Variants in LOC400499 observed in about 807,000 individuals in gnomAD.
At chr16:11,489,437 C>T in the LOC400499 span, among the ~76,000 whole-genome samples, 22 of 152,314 alleles carry the variant, frequency 1.4e-4, no homozygotes, top group Non-Finnish European at 2.1e-4. Context: ...CAAAAGGTGA[C>T]ATGTGACCCA....
chr16:11,391,659 C>CAGTT, the LOC400499 span: 1 of 1,232,150 alleles, frequency 8.1e-7, no homozygotes, highest in Non-Finnish European at 1.0e-6. Flanking sequence ...CCCCCTCCCA[C>CAGTT]ACTTACATTC....
the LOC400499 span, among the ~76,000 whole-genome samples, chr16:11,394,869 T>C: frequency 1.3e-5 from 2 of 152,234 alleles, no homozygotes; most frequent in Non-Finnish European, 2.9e-5. Flanking sequence ...AACTTGCTTT[T>C]GGACTTCTGG....
the LOC400499 span, among the ~76,000 whole-genome samples, chr16:11,428,929 A>T: frequency 6.6e-6 from 1 of 152,012 alleles, no homozygotes. Context: ...CTTGCATGGG[A>T]AATGGGAGGG....
chr16:11,457,065 T>C, the LOC400499 span: 3 of 1,496,384 alleles, frequency 2.0e-6, no homozygotes, highest in Non-Finnish European at 2.7e-6. Context: ...CCCCCCAAGA[T>C]GCCAATGGGA....
At chr16:11,460,441 C>A in the LOC400499 span, 1 of 1,495,518 alleles carries the variant, frequency 6.7e-7, no homozygotes, top group Non-Finnish European at 8.9e-7. Context: ...GACTCTAGTG[C>A]TCTCTCCGGA....
the LOC400499 span, chr16:11,391,658 A>G: frequency 0.95 from 1,175,217 of 1,231,998 alleles, 564,847 homozygotes; most frequent in Non-Finnish European, 0.98. Context: ...TCCCCCTCCC[A>G]CACTTACATT....
At chr16:11,391,761 G>C in the LOC400499 span, 4 of 1,232,200 alleles carry the variant, frequency 3.2e-6, no homozygotes, top group Non-Finnish European at 4.0e-6. Context: ...GGCCCACAAA[G>C]TGGCTACTGC....
the LOC400499 span, among the ~76,000 whole-genome samples, chr16:11,462,665 C>T: frequency 2.0e-5 from 3 of 152,226 alleles, no homozygotes; most frequent in African/African-American, 7.2e-5. Flanking sequence ...ACAAGTGATC[C>T]ACCCGCCCTG....
At chr16:11,397,314 G>A in the LOC400499 span, among the ~76,000 whole-genome samples, 10 of 152,104 alleles carry the variant, frequency 6.6e-5, no homozygotes, top group South Asian at 1.0e-3. Flanking sequence ...ATGCTCTGTC[G>A]CCAGGCTGGA....
the LOC400499 span, among the ~76,000 whole-genome samples, chr16:11,395,329 A>C: frequency 6.6e-6 from 1 of 152,230 alleles, no homozygotes; most frequent in Non-Finnish European, 1.5e-5. Flanking sequence ...AGAATGGACC[A>C]AGTGAGAATA....
At chr16:11,420,976 G>T in the LOC400499 span, among the ~76,000 whole-genome samples, 2 of 152,162 alleles carry the variant, frequency 1.3e-5, no homozygotes. Context: ...CCCAGGGCTG[G>T]ACTTGTCCTG....
the LOC400499 span, among the ~76,000 whole-genome samples, chr16:11,423,450 C>A: frequency 6.6e-6 from 1 of 152,254 alleles, no homozygotes; most frequent in Non-Finnish European, 1.5e-5. Flanking sequence ...GTAAACGGAG[C>A]TCCCAGCATG....
the LOC400499 span, among the ~76,000 whole-genome samples, chr16:11,524,617 C>G: frequency 6.6e-6 from 1 of 152,168 alleles, no homozygotes; most frequent in African/African-American, 2.4e-5. Flanking sequence ...CTCCCACCAT[C>G]GAAGGGGCAG....
chr16:11,447,860 C>A, the LOC400499 span: 2 of 1,453,822 alleles, frequency 1.4e-6, no homozygotes, highest in South Asian at 2.8e-5. Flanking sequence ...CCATCCTGTT[C>A]CCCCTGGGGA....
the LOC400499 span, among the ~76,000 whole-genome samples, chr16:11,428,011 G>C: frequency 6.6e-6 from 1 of 152,180 alleles, no homozygotes; most frequent in African/African-American, 2.4e-5. Context: ...AGAATTCAGG[G>C]AAAGTCCACG....
chr16:11,419,180 C>A, the LOC400499 span, among the ~76,000 whole-genome samples: 1 of 102,534 alleles, frequency 9.8e-6, no homozygotes, highest in African/African-American at 4.6e-5. Flanking sequence ...AAACAAAAAA[C>A]AACAACAACA....
At chr16:11,387,130 C>G in the LOC400499 span, 1 of 1,232,334 alleles carries the variant, frequency 8.1e-7, no homozygotes, top group Non-Finnish European at 1.0e-6. Context: ...GGCCCGCCAG[C>G]AGGCGGCGTC....
At chr16:11,488,115 T>G in the LOC400499 span, among the ~76,000 whole-genome samples, 1 of 89,430 alleles carries the variant, frequency 1.1e-5, no homozygotes, top group Non-Finnish European at 2.1e-5. Context: ...ATAGTCCATG[T>G]CAAAAAAAAA....
At chr16:11,399,586 C>T in the LOC400499 span, 1 of 398,788 alleles carries the variant, frequency 2.5e-6, no homozygotes, top group Admixed American at 4.4e-5. Flanking sequence ...TGTTCAGGCC[C>T]CAGGTTTCCT....
Sources: gnomAD v4.1 joint callset for allele counts (sites outside exome capture counted in the v4.1 genomes callset) on GRCh38, gnomAD v4.1.1 for gene constraint, MANE v1.5 for transcripts.